The following PARP11 variants were observed in gnomAD, a reference collection of about 807,000 sequenced individuals.
PARP11 encodes the protein protein mono-ADP-ribosyltransferase PARP11.
A neutral mutation model predicts 42.9 loss-of-function variants in PARP11; 31 were observed. The observed-to-expected ratio is 0.72, with a 90% CI of 0.54 to 0.98. The LOEUF (loss-of-function observed/expected upper bound fraction) is 0.98. Ranked by LOEUF, PARP11 falls within the 50% of genes least tolerant of loss-of-function variation. The pLI is 0.00. For missense variants in PARP11, 365 were observed against 413.1 expected (o/e 0.88, Z 1.01); for synonymous variants, 137 against 127.3 (o/e 1.08, Z -0.51).
At chr12:3,813,100 C>T (rs11062841) in intron 7 of PARP11, among the ~76,000 whole-genome samples, 24,017 of 152,060 alleles carry the variant, frequency 0.16, 2,303 homozygotes, top group East Asian at 0.36. Flanking sequence ...CCACCATGCC[C>T]GGCCCTGAGT....
intron 1 of PARP11, chr12:3,841,529 G>T: frequency 1.3e-6 from 2 of 1,593,964 alleles, no homozygotes; most frequent in South Asian, 2.2e-5. Flanking sequence ...CCAGTGATTG[G>T]ACCGCCGACA....
At chr12:3,822,045 G>A (rs1050349813) in intron 5 of PARP11, 40 bp downstream of exon 5, 2 of 1,608,848 alleles carry the variant, frequency 1.2e-6, no homozygotes, top group Non-Finnish European at 1.7e-6. Flanking sequence ...AGTCATTTCC[G>A]GTTTCTTTCA....
chr12:3,868,009 CACA>C (rs1056316699), intron 1 of PARP11, among the ~76,000 whole-genome samples: 44 of 152,226 alleles, frequency 2.9e-4, no homozygotes, highest in African/African-American at 8.4e-4. Context: ...ATAATTGTGG[CACA>C]ACATTTCCTA....
rs1359321706 is a variant in PARP11 at position 3,809,890 on chromosome 12, A to T, written c.*2233T>A. On this transcript the variant is annotated 3_prime_UTR_variant, in exon 8 of 8. Coordinates refer to ENST00000228820, the MANE Select transcript of PARP11 (RefSeq NM_020367.6). ...TCTAAATATTCTCAGCACTTCATCT[A>T]AACCAGCAGCTGGGGTGCATACCTG... 1 of 152,208 alleles carries T rather than the reference A, an allele frequency of 6.6e-6. No homozygotes were observed. The highest frequency in any genetic ancestry group is 1.5e-5 in the Non-Finnish European group (1 of 68,032). 9.4% of individuals were successfully genotyped at this position (152,208 alleles called of 1,614,324 possible).
chr12:3,838,733 G>C (rs1441974894), intron 1 of PARP11, among the ~76,000 whole-genome samples: 1 of 152,262 alleles, frequency 6.6e-6, no homozygotes, highest in East Asian at 1.9e-4. Flanking sequence ...GAAAAAAAGA[G>C]AAGATCCAGG....
intron 1 of PARP11, among the ~76,000 whole-genome samples, chr12:3,839,269 C>T (rs1285813267): frequency 6.6e-6 from 1 of 151,356 alleles, no homozygotes; most frequent in Non-Finnish European, 1.5e-5. Flanking sequence ...GTGGGGCTAG[C>T]CCTCGCGCCT....
At chr12:3,864,079 C>T (rs1948348928) in intron 1 of PARP11, 1 of 152,220 alleles carries the variant, frequency 6.6e-6, no homozygotes, top group African/African-American at 2.4e-5. Flanking sequence ...AACCCCCTTC[C>T]ACATACCGTC....
At chr12:3,839,087 G>A (rs1425145475) in intron 1 of PARP11, among the ~76,000 whole-genome samples, 1 of 152,012 alleles carries the variant, frequency 6.6e-6, no homozygotes, top group South Asian at 2.1e-4. Flanking sequence ...AGGCGGCCGC[G>A]TACGGACAGC....
At chr12:3,842,499 T>G (rs1167881171) in intron 1 of PARP11, 1 of 1,599,672 alleles carries the variant, frequency 6.3e-7, no homozygotes, top group Non-Finnish European at 8.6e-7. Flanking sequence ...GAGATGGCCA[T>G]AGGGGACAGC....
intron 1 of PARP11, among the ~76,000 whole-genome samples, chr12:3,833,833 C>A (rs1035954471): frequency 6.6e-6 from 1 of 152,114 alleles, no homozygotes; most frequent in African/African-American, 2.4e-5. Context: ...GGTATATGTA[C>A]CCAAAAGACA....
intron 1 of PARP11, among the ~76,000 whole-genome samples, chr12:3,832,722 T>C (rs1947670279): frequency 6.6e-6 from 1 of 152,212 alleles, no homozygotes; most frequent in Non-Finnish European, 1.5e-5. Flanking sequence ...CTAGGACACA[T>C]TTATAGGTAA....
chr12:3,871,516 C>A (rs1948478809), intron 1 of PARP11, among the ~76,000 whole-genome samples: 1 of 152,120 alleles, frequency 6.6e-6, no homozygotes. Flanking sequence ...GTGTAGCAGG[C>A]TTATGAAAGT....
rs1042126120 is a variant in PARP11, at chr12:3,839,669, C to T, written c.19-9651G>A. 2.0e-5 allele frequency: 19 copies of T among 964,978 alleles called. No homozygotes were observed. The South Asian group carries it at 2.1e-4, about 10-fold the overall frequency. 59.8% of individuals were successfully genotyped at this position (964,978 alleles called of 1,614,324 possible). On this transcript the variant is annotated intron_variant, in intron 1 of 7. Transcript: ENST00000228820. ...AAAGATTTTATAACTAATCTGGAAC[C>T]TAATGTTTCTCCTTCACAAGTAACT...
intron 1 of PARP11, among the ~76,000 whole-genome samples, chr12:3,858,014 C>T (rs545993074): frequency 7.3e-4 from 111 of 152,250 alleles, no homozygotes; most frequent in African/African-American, 2.5e-3. Flanking sequence ...TGCCAACACT[C>T]GGAAAACAAT....
intron 1 of PARP11, among the ~76,000 whole-genome samples, chr12:3,865,260 G>A (rs1466017154): frequency 6.6e-6 from 1 of 152,074 alleles, no homozygotes; most frequent in Non-Finnish European, 1.5e-5. Flanking sequence ...TATGTTTTAT[G>A]GGCCAGAATA....
At position 3,840,860 on chromosome 12, in the gene PARP11, C is replaced by G; in HGVS notation, c.19-10842G>C. On this transcript the variant is annotated intron_variant, in intron 1 of 7. Coordinates refer to ENST00000228820, the MANE Select transcript of PARP11 (RefSeq NM_020367.6). The surrounding 1 kb of genome is among the most constrained non-coding windows in gnomAD (Gnocchi z 4.4). ...TGCCCTTCTCCTGCAGAACAAAAGC[C>G]AGCAGAACATGTGTCTTTGTCAAAT... The G allele has an allele frequency of 6.2e-7, 1 of 1,600,116 alleles. No homozygotes were observed. The highest frequency in any genetic ancestry group is 8.6e-7 in the Non-Finnish European group (1 of 1,167,176).
intron 1 of PARP11, among the ~76,000 whole-genome samples, chr12:3,870,897 T>C (rs1218337616): frequency 1.3e-5 from 2 of 152,220 alleles, no homozygotes; most frequent in Non-Finnish European, 1.5e-5. Flanking sequence ...AAACTGAATA[T>C]ATAAGCAGAG....
intron 1 of PARP11, among the ~76,000 whole-genome samples, chr12:3,831,433 T>G (rs1477991633): frequency 6.6e-6 from 1 of 152,172 alleles, no homozygotes; most frequent in African/African-American, 2.4e-5. Context: ...GTCCATCCTA[T>G]TTTTAGAAGC....
In PARP11 at chr12:3,811,088, C is replaced by A. The variant is rs1484358168; in HGVS notation, c.*1035G>T. 1 of 152,148 alleles carries A rather than the reference C, an allele frequency of 6.6e-6. No individual in the cohort carries two copies. Among genetic ancestry groups the A allele is most frequent in the African/African-American group, 2.4e-5 (1 of 41,434 alleles). 9.4% of individuals were successfully genotyped at this position (152,148 alleles called of 1,614,324 possible). A position where few individuals can be genotyped will look rare whatever the true frequency, so the allele number is the denominator to read the frequency against. The stretch of plus-strand genomic sequence containing the variant: ...CACTAAACATGATTAAGAATTATAT[C>A]TAACTTTTCAAGAGAGTAGGTTGTC... On this transcript the variant is annotated 3_prime_UTR_variant, in exon 8 of 8. Transcript: ENST00000228820.
Sources: allele counts gnomAD v4.1 joint callset (sites outside exome capture counted in the v4.1 genomes callset), GRCh38; gene constraint gnomAD v4.1.1; non-coding constraint Gnocchi (gnomAD v3.1); transcripts MANE v1.5; gene names NCBI Gene and HGNC (gene_info 2026-07-23, HGNC 2026-07-21).